SIK3: variants seen among roughly 807,000 people sequenced by gnomAD.
SIK3 encodes serine/threonine-protein kinase SIK3.
Under a neutral mutation model 144.2 loss-of-function variants are expected in SIK3, and 28 were observed. The observed-to-expected ratio is 0.19, with a 90% CI of 0.14 to 0.27. The LOEUF (loss-of-function observed/expected upper bound fraction) is 0.27. SIK3 is among the 10% of genes least tolerant of loss of function. SIK3 has a pLI of 1.00. For synonymous variants in SIK3, 686 were observed against 676.3 expected, an observed-to-expected ratio of 1.01 and a Z score of -0.22; for missense variants, 1,319 against 1,776.0, an observed-to-expected ratio of 0.74 and a Z score of 4.62.
chr11:117,017,468 A>G (rs1318588446), intron 1 of SIK3, among the ~76,000 whole-genome samples: 1 of 152,212 alleles, frequency 6.6e-6, no homozygotes, highest in East Asian at 1.9e-4. Flanking sequence ...TTCAAAACAA[A>G]AAGGTTTTTG....
intron 1 of SIK3, among the ~76,000 whole-genome samples, chr11:117,050,234 A>G (rs1406485141): frequency 6.6e-6 from 1 of 151,998 alleles, no homozygotes; most frequent in Non-Finnish European, 1.5e-5. Context: ...AGTTGCAGTG[A>G]GCTGAGATCG....
chr11:117,036,077 G>A (rs936680788), intron 1 of SIK3: 9 of 872,238 alleles, frequency 1.0e-5, no homozygotes, highest in South Asian at 5.3e-5. Flanking sequence ...GGTCATCACC[G>A]CCGGAAAGGT....
intron 1 of SIK3, among the ~76,000 whole-genome samples, chr11:116,991,405 C>A (rs1161312186): frequency 6.6e-6 from 1 of 152,158 alleles, no homozygotes; most frequent in South Asian, 2.1e-4. Context: ...CGAGATCATG[C>A]CACTGCGCTC....
At chr11:116,968,584 A>G (rs1389581683) in intron 1 of SIK3, among the ~76,000 whole-genome samples, 1 of 152,264 alleles carries the variant, frequency 6.6e-6, no homozygotes, top group African/African-American at 2.4e-5. Context: ...AAAGACAGCT[A>G]CATGAAGTAT....
At position 116,875,884 on chromosome 11, in the gene SIK3, T is replaced by C; in HGVS notation, c.1221A>G (p.Gln407=). 3 of 1,605,450 alleles carry C rather than the reference T, an allele frequency of 1.9e-6. No homozygotes were observed. Among genetic ancestry groups the C allele is most frequent in the Non-Finnish European group, 2.5e-6 (3 of 1,177,914 alleles). ...LPSMPRALAF[Q]APVNIQAEQA... is the part of the protein sequence containing the mutation. ...TGCCCACCTGGATATTGACTGGTGC[T>C]TGAAAGGCCAGGGCTCGGGGCATGC... Residue 407 remains glutamine (Q), a synonymous_variant, in exon 9 of 25, where the codon CAA becomes CAG. Coordinates refer to ENST00000445177, the MANE Select transcript of SIK3 (RefSeq NM_001366686.3).
intron 1 of SIK3, among the ~76,000 whole-genome samples, chr11:116,969,280 A>T (rs1203306481): frequency 1.8e-5 from 2 of 113,532 alleles, no homozygotes; most frequent in Non-Finnish European, 3.6e-5. Context: ...ACAGAGCAAG[A>T]CTCCGTCTCA....
At chr11:117,077,504 T>C (rs1954603441) in intron 1 of SIK3, among the ~76,000 whole-genome samples, 2 of 152,172 alleles carry the variant, frequency 1.3e-5, no homozygotes, top group South Asian at 4.1e-4. Context: ...CTTTTCCTAA[T>C]AGCTATTTGC....
chr11:117,062,493 A>T (rs552413093), intron 1 of SIK3, among the ~76,000 whole-genome samples: 1 of 152,230 alleles, frequency 6.6e-6, no homozygotes, highest in South Asian at 2.1e-4. Flanking sequence ...ATTTAACAAC[A>T]TAACACCAAA....
chr11:116,928,592 T>C (rs1475584275), intron 3 of SIK3, among the ~76,000 whole-genome samples: 1 of 152,110 alleles, frequency 6.6e-6, no homozygotes, highest in East Asian at 1.9e-4. Context: ...AAGTTCAGGG[T>C]AGCACATATT....
In SIK3 at chr11:116,846,612, G is replaced by C. The variant is rs1287157942; in HGVS notation, c.3953-59C>G. The C allele has an allele frequency of 1.3e-6, 2 of 1,596,366 alleles. No individual in the cohort carries two copies. Among genetic ancestry groups the C allele is most frequent in the Non-Finnish European group, 1.7e-6 (2 of 1,167,254 alleles). On this transcript the variant is annotated intron_variant, in intron 23 of 24. Coordinates refer to ENST00000445177, the MANE Select transcript of SIK3 (RefSeq NM_001366686.3). The surrounding 1 kb of genome is among the most constrained non-coding windows in gnomAD (Gnocchi z 4.1). ...GGGAACTGGGGGACTAGGAGAGCAAGGGGGAGAGAGAGGAGGAATTGAAGG... is the reference window on the plus strand; with the variant it reads ...GGGAACTGGGGGACTAGGAGAGCAACGGGGAGAGAGAGGAGGAATTGAAGG...
chr11:116,968,660 A>G (rs1949650677), intron 1 of SIK3, among the ~76,000 whole-genome samples: 1 of 152,230 alleles, frequency 6.6e-6, no homozygotes, highest in Non-Finnish European at 1.5e-5. Context: ...AGGATTACAG[A>G]CATCCTAAAT....
At chr11:117,035,191 TAATA>T (rs1222493387) in intron 1 of SIK3, among the ~76,000 whole-genome samples, 1 of 152,154 alleles carries the variant, frequency 6.6e-6, no homozygotes, top group Non-Finnish European at 1.5e-5. Flanking sequence ...CCATAAATAT[TAATA>T]AAAGAAGCAG....
At chr11:116,912,557 AC>A (rs1245618538) in intron 4 of SIK3, among the ~76,000 whole-genome samples, 2 of 152,232 alleles carry the variant, frequency 1.3e-5, no homozygotes, top group African/African-American at 4.8e-5. Context: ...GCAATACAGT[AC>A]AGCTTTGAGC....
chr11:116,892,098 A>G (rs1303556155), intron 6 of SIK3, among the ~76,000 whole-genome samples: 1 of 152,200 alleles, frequency 6.6e-6, no homozygotes, highest in African/African-American at 2.4e-5. Flanking sequence ...TGGTTAGCAA[A>G]TACTTGGATA....
intron 1 of SIK3, among the ~76,000 whole-genome samples, chr11:117,062,917 C>G (rs369487212): frequency 6.6e-6 from 1 of 152,162 alleles, no homozygotes; most frequent in Admixed American, 6.6e-5. Flanking sequence ...AAAAAACATA[C>G]GTATTAAAAG....
At chr11:116,871,197 C>G (rs1316059038) in intron 13 of SIK3, among the ~76,000 whole-genome samples, 1 of 152,204 alleles carries the variant, frequency 6.6e-6, no homozygotes, top group African/African-American at 2.4e-5. Flanking sequence ...TACCCATAGC[C>G]TGGGTGCCCA....
At chr11:117,071,696 A>G (rs1209679075) in intron 1 of SIK3, among the ~76,000 whole-genome samples, 2 of 152,056 alleles carry the variant, frequency 1.3e-5, no homozygotes, top group African/African-American at 4.8e-5. Flanking sequence ...TGTTCACTGC[A>G]GCCTCAACCT....
intron 1 of SIK3, among the ~76,000 whole-genome samples, chr11:117,056,826 G>A (rs1953558769): frequency 6.6e-6 from 1 of 152,024 alleles, no homozygotes; most frequent in Non-Finnish European, 1.5e-5. Flanking sequence ...TCCACCTTTG[G>A]CAATATTGGT....
intron 4 of SIK3, among the ~76,000 whole-genome samples, chr11:116,916,941 CA>C (rs999678884): frequency 4.0e-5 from 6 of 151,360 alleles, no homozygotes; most frequent in Admixed American, 3.3e-4. Flanking sequence ...CTCATCTCTA[CA>C]AAAAGTAAAA....
Sources: gnomAD v4.1 joint callset for allele counts (sites outside exome capture counted in the v4.1 genomes callset) on GRCh38, gnomAD v4.1.1 for gene constraint, Gnocchi (gnomAD v3.1) non-coding constraint, MANE v1.5 for transcripts, NCBI Gene and HGNC (gene_info 2026-07-23, HGNC 2026-07-21) for gene names.